ZNF385D: variants seen among roughly 807,000 people sequenced by gnomAD.
ZNF385D encodes the protein zinc finger protein 659.
ZNF385D carries 15 observed loss-of-function variants against 35.8 expected under a neutral mutation model. The ratio of observed to expected loss-of-function variants is 0.42; its 90% CI spans 0.28 to 0.64. ZNF385D has a LOEUF of 0.64. ZNF385D is among the 30% of genes least tolerant of loss of function. ZNF385D has a pLI of 0.23. For missense variants in ZNF385D, 474 were observed against 494.6 expected (o/e 0.96, Z 0.39); for synonymous variants, 212 against 186.8 (o/e 1.13, Z -1.10).
At chr3:21,516,513 C>T (rs997981393) in intron 3 of ZNF385D, among the ~76,000 whole-genome samples, 147 of 152,262 alleles carry the variant, frequency 9.7e-4, no homozygotes, top group African/African-American at 3.3e-3. Flanking sequence ...TCACTAGAGA[C>T]TCTGATCAAT....
rs142141639 is a variant in ZNF385D, at chr3:21,595,765, G to A, written c.166-31081C>T. ...GTGATTTTTGAACAGCAGAAATAAT[G>A]ATAAAGCTCTCTTAGAGAAGCAAAC... On this transcript the variant is annotated intron_variant, in intron 2 of 7. Coordinates refer to ENST00000281523, the MANE Select transcript of ZNF385D (RefSeq NM_024697.3). Among the ~76,000 whole-genome samples, 767 of 152,218 alleles carry A rather than the reference G, an allele frequency of 5.0e-3. 2 individuals carry two copies. The highest frequency in any genetic ancestry group is 9.2e-3 in the Non-Finnish European group (626 of 67,988).
intron 3 of ZNF385D, chr3:22,133,985 T>C (rs1703956989): frequency 6.6e-6 from 1 of 152,074 alleles, no homozygotes; most frequent in African/African-American, 2.4e-5. Context: ...CATAGAATGT[T>C]CTGTAAACTA....
intron 2 of ZNF385D, among the ~76,000 whole-genome samples, chr3:22,237,493 T>C (rs950141712): frequency 2.6e-5 from 4 of 152,340 alleles, no homozygotes; most frequent in South Asian, 4.1e-4. Flanking sequence ...GCACAGATGT[T>C]TTAATTTTTA....
chr3:21,549,104 T>C (rs1320099410), intron 3 of ZNF385D, among the ~76,000 whole-genome samples: 1 of 152,206 alleles, frequency 6.6e-6, no homozygotes, highest in Non-Finnish European at 1.5e-5. Flanking sequence ...CAAGGTCAGA[T>C]TTTCCATGTC....
chr3:21,909,069 AC>A (rs1255382972), intron 3 of ZNF385D, among the ~76,000 whole-genome samples: 1 of 152,082 alleles, frequency 6.6e-6, no homozygotes, highest in Admixed American at 6.6e-5. Flanking sequence ...GAAGGTCTAA[AC>A]AACAAGTTAA....
At chr3:22,274,700 A>C (rs1179993080) in intron 2 of ZNF385D, among the ~76,000 whole-genome samples, 2 of 151,946 alleles carry the variant, frequency 1.3e-5, no homozygotes, top group Non-Finnish European at 2.9e-5. Context: ...GGTTTGAATG[A>C]AACTCTCTGC....
chr3:22,194,186 T>C (rs578161563), intron 2 of ZNF385D, among the ~76,000 whole-genome samples: 6 of 150,778 alleles, frequency 4.0e-5, no homozygotes, highest in Non-Finnish European at 3.0e-5. Flanking sequence ...ATTTTGATTG[T>C]TGATAAATTT....
chr3:21,663,890 AATATAT>A (rs66691637), intron 2 of ZNF385D, among the ~76,000 whole-genome samples: 13,469 of 64,622 alleles, frequency 0.21, 1,500 homozygotes, highest in Middle Eastern at 0.34. Flanking sequence ...TTGTGGGCCG[AATATAT>A]ATATATATAT....
intron 2 of ZNF385D, among the ~76,000 whole-genome samples, chr3:21,567,006 ATGT>A (rs1266137608): frequency 6.6e-6 from 1 of 152,198 alleles, no homozygotes; most frequent in Non-Finnish European, 1.5e-5. Flanking sequence ...AGATTCATCC[ATGT>A]TGTTACATGC....
chr3:21,960,733 T>A (rs1702542039), intron 3 of ZNF385D, among the ~76,000 whole-genome samples: 1 of 152,032 alleles, frequency 6.6e-6, no homozygotes, highest in Admixed American at 6.6e-5. Flanking sequence ...GATATATATA[T>A]ACACAATGGA....
At chr3:22,157,709 T>TCA (rs1348107643) in intron 3 of ZNF385D, among the ~76,000 whole-genome samples, 1 of 152,140 alleles carries the variant, frequency 6.6e-6, no homozygotes, top group Non-Finnish European at 1.5e-5. Flanking sequence ...GAAGTAAAAA[T>TCA]CACACTTTTT....
intron 2 of ZNF385D, among the ~76,000 whole-genome samples, chr3:22,264,357 A>T (rs1288373160): frequency 6.6e-6 from 1 of 152,046 alleles, no homozygotes; most frequent in Non-Finnish European, 1.5e-5. Flanking sequence ...GCAGAACGCC[A>T]ATCCCACTGA....
chr3:21,933,211 T>C (rs1701099241), intron 3 of ZNF385D, among the ~76,000 whole-genome samples: 1 of 152,232 alleles, frequency 6.6e-6, no homozygotes, highest in Non-Finnish European at 1.5e-5. Context: ...AATAATATTT[T>C]ATGTTGCTTT....
intron 2 of ZNF385D, among the ~76,000 whole-genome samples, chr3:22,212,945 G>T (rs1447835807): frequency 1.3e-5 from 2 of 151,936 alleles, no homozygotes; most frequent in East Asian, 3.9e-4. Flanking sequence ...TATTAATTTA[G>T]AACCAATAGA....
At chr3:21,694,042 C>CTTTTTTTTTGTTTTTTTTTT (rs2067380374) in intron 1 of ZNF385D, among the ~76,000 whole-genome samples, 3 of 22,178 alleles carry the variant, frequency 1.4e-4, no homozygotes, top group Non-Finnish European at 2.5e-4. Flanking sequence ...CTACGCCTGG[C>CTTTTTTTTTGTTTTTTTTTT]TTTTTTTTTT....
At chr3:22,329,076 CA>C (rs776193960) in intron 2 of ZNF385D, among the ~76,000 whole-genome samples, 1,576 of 74,824 alleles carry the variant, frequency 0.021, 5 homozygotes, top group African/African-American at 0.049. Context: ...GACTCCGTCT[CA>C]AAAAAAAAAA....
intron 4 of ZNF385D, among the ~76,000 whole-genome samples, chr3:21,451,207 G>A (rs1702437206): frequency 6.6e-6 from 1 of 151,856 alleles, no homozygotes; most frequent in Non-Finnish European, 1.5e-5. Context: ...TATCTTTGAA[G>A]GTACTATCAT....
At chr3:22,333,674 G>A (rs116840045) in intron 2 of ZNF385D, among the ~76,000 whole-genome samples, 16 of 151,242 alleles carry the variant, frequency 1.1e-4, no homozygotes, top group Non-Finnish European at 2.2e-4. Flanking sequence ...ATTCATTTCC[G>A]AACTTCCACC....
intron 3 of ZNF385D, among the ~76,000 whole-genome samples, chr3:21,834,440 T>G (rs184911631): frequency 6.6e-6 from 1 of 152,258 alleles, no homozygotes; most frequent in Non-Finnish European, 1.5e-5. Context: ...TCCTCTTTCT[T>G]TCACAAAATT....
Sources: gnomAD v4.1 joint callset for allele counts (sites outside exome capture counted in the v4.1 genomes callset) on GRCh38, gnomAD v4.1.1 for gene constraint, MANE v1.5 for transcripts, NCBI Gene and HGNC (gene_info 2026-07-23, HGNC 2026-07-21) for gene names.